Variants in PDXDC1 observed in about 807,000 individuals in gnomAD.
PDXDC1 encodes the protein pyridoxal-dependent decarboxylase domain-containing protein 1.
Under a neutral mutation model 100.1 loss-of-function variants are expected in PDXDC1, and 42 were observed. The ratio of observed to expected loss-of-function variants is 0.42; its 90% CI spans 0.33 to 0.54. The LOEUF (loss-of-function observed/expected upper bound fraction) is 0.54. Ranked by LOEUF, PDXDC1 falls within the 20% of genes least tolerant of loss-of-function variation. PDXDC1 has a pLI of 0.10. For missense variants in PDXDC1, 636 were observed against 979.2 expected (o/e 0.65, Z 4.68); for synonymous variants, 260 against 371.7 (o/e 0.70, Z 3.46).
chr16:15,058,828 TCTCA>T (rs2044616362), intron 16 of PDXDC1, among the ~76,000 whole-genome samples: 1 of 152,030 alleles, frequency 6.6e-6, no homozygotes, highest in South Asian at 2.1e-4. Flanking sequence ...GAGATGGGGG[TCTCA>T]CTATGTTGCC....
At chr16:15,081,986 C>G (rs548101653) in intron 16 of PDXDC1, among the ~76,000 whole-genome samples, 6 of 152,290 alleles carry the variant, frequency 3.9e-5, no homozygotes, top group Admixed American at 3.3e-4. Context: ...ATGCTGAACT[C>G]ATTTATTATC....
chr16:15,017,462 A>T (rs2041877883), intron 11 of PDXDC1, 40 bp downstream of exon 11: 1 of 1,566,362 alleles, frequency 6.4e-7, no homozygotes. Context: ...GGTGTGGCTA[A>T]TACACATTAT....
chr16:14,974,822 C>T (rs1292952902), upstream of PDXDC1: 6 of 1,535,424 alleles, frequency 3.9e-6, no homozygotes, highest in East Asian at 1.2e-4. Context: ...ACTAGTATTT[C>T]CAGCCTTTCA....
chr16:15,058,815 G>A (rs1415828807), intron 16 of PDXDC1, among the ~76,000 whole-genome samples: 1 of 152,148 alleles, frequency 6.6e-6, no homozygotes, highest in Non-Finnish European at 1.5e-5. Context: ...ATTTTTTAAT[G>A]TAGAGATGGG....
chr16:15,059,657 C>G (rs923649302), intron 16 of PDXDC1, among the ~76,000 whole-genome samples: 1 of 152,158 alleles, frequency 6.6e-6, no homozygotes, highest in Non-Finnish European at 1.5e-5. Flanking sequence ...CCTGGAGACT[C>G]CTACAACTGA....
Position 14,995,266 on chromosome 16 carries a change from T to C in PDXDC1, c.22-2487T>C, listed in dbSNP as rs569208664. Among the ~76,000 whole-genome samples, 152 of 152,406 alleles carry C rather than the reference T, an allele frequency of 1.0e-3. 1 individual carries two copies. Among genetic ancestry groups the C allele is most frequent in the Non-Finnish European group, 5.4e-4 (37 of 68,046 alleles). On this transcript the variant is annotated intron_variant, in intron 1 of 22. Transcript: ENST00000396410. Reference sequence around the variant, plus strand: ...CAGTTTTTGCCCATTCAGTATGATATTGGCTGTGGGTTTGTCATAGATAGC... The same window carrying C: ...CAGTTTTTGCCCATTCAGTATGATACTGGCTGTGGGTTTGTCATAGATAGC...
intron 16 of PDXDC1, chr16:15,070,259 A>C: frequency 6.2e-7 from 1 of 1,611,636 alleles, no homozygotes; most frequent in South Asian, 1.1e-5. Flanking sequence ...ACAGTACTAG[A>C]GAAAAGAAAA....
chr16:14,994,709 G>C (rs1366754625), intron 1 of PDXDC1, among the ~76,000 whole-genome samples: 2 of 152,296 alleles, frequency 1.3e-5, no homozygotes, highest in Non-Finnish European at 2.9e-5. Context: ...GGATGGCATT[G>C]AATCTATAAA....
intron 3 of PDXDC1, among the ~76,000 whole-genome samples, 177 bp downstream of exon 3, chr16:14,998,582 G>A (rs559946936): frequency 1.1e-3 from 167 of 152,334 alleles, no homozygotes; most frequent in Non-Finnish European, 1.8e-3. Context: ...CCGAGTAGCT[G>A]GGATTACAGG....
At chr16:14,992,146 C>G (rs577454397) in intron 1 of PDXDC1, among the ~76,000 whole-genome samples, 147 of 152,346 alleles carry the variant, frequency 9.6e-4, no homozygotes, top group African/African-American at 3.4e-3. Context: ...GCAACAACTG[C>G]AAGCATTCTG....
chr16:15,082,613 C>T (rs1220987615), intron 16 of PDXDC1, among the ~76,000 whole-genome samples: 2 of 151,714 alleles, frequency 1.3e-5, no homozygotes, highest in Non-Finnish European at 2.9e-5. Flanking sequence ...GCAGAGGCTG[C>T]AGCGAGCTGA....
At chr16:15,049,750 A>C (rs1165258403) in intron 16 of PDXDC1, among the ~76,000 whole-genome samples, 2 of 152,198 alleles carry the variant, frequency 1.3e-5, no homozygotes, top group Non-Finnish European at 2.9e-5. Context: ...AATGGCAAAA[A>C]GCTGGGAGCA....
intron 1 of PDXDC1, among the ~76,000 whole-genome samples, chr16:14,979,294 C>A (rs1403355513): frequency 3.4e-5 from 5 of 145,142 alleles, no homozygotes; most frequent in African/African-American, 1.2e-4. Flanking sequence ...GCTGGCAATT[C>A]GTGTTTTTTT....
Position 14,984,496 on chromosome 16 carries a change from T to TATATATATA in PDXDC1, c.21+9276_21+9277insATATATATA, listed in dbSNP as rs1491326563. Reference sequence around the variant, plus strand: ...GTATACATATATATATATATATATATTTTTTTTTTTTTTTTTTCTGAGACG... The same window carrying TATATATATA: ...GTATACATATATATATATATATATATATATATATATTTTTTTTTTTTTTTTTCTGAGACG... On this transcript the variant is annotated intron_variant, in intron 1 of 22. Coordinates refer to ENST00000396410, the MANE Select transcript of PDXDC1 (RefSeq NM_015027.4). 2.0e-4 allele frequency among the ~76,000 whole-genome samples: 10 copies of TATATATATA among 51,204 alleles called. No individual in the cohort carries two copies. In the East Asian group the frequency reaches 6.2e-3, roughly 32 times the overall value. 33.6% of individuals were successfully genotyped at this position (51,204 alleles called of 152,430 possible). A position where few individuals can be genotyped will look rare whatever the true frequency, so the allele number is the denominator to read the frequency against.
the PDXDC1 span, among the ~76,000 whole-genome samples, chr16:15,150,386 T>TAAAA: frequency 2.1e-5 from 3 of 145,774 alleles, no homozygotes; most frequent in South Asian, 4.3e-4. Context: ...AATAAATAAA[T>TAAAA]AAAAGACATC....
At chr16:15,071,527 G>C (rs1189299237) in intron 16 of PDXDC1, among the ~76,000 whole-genome samples, 1 of 152,234 alleles carries the variant, frequency 6.6e-6, no homozygotes, top group Non-Finnish European at 1.5e-5. Flanking sequence ...CAGCACTTTG[G>C]GAGGCCGAGG....
At chr16:14,984,476 C>CAT (rs749990542) in intron 1 of PDXDC1, among the ~76,000 whole-genome samples, 1,261 of 92,434 alleles carry the variant, frequency 0.014, 19 homozygotes, top group African/African-American at 0.025. Flanking sequence ...TGTGTGTATA[C>CAT]ATATATATAT....
intron 12 of PDXDC1, among the ~76,000 whole-genome samples, chr16:15,022,282 G>A (rs1457803725): frequency 6.6e-6 from 1 of 152,296 alleles, no homozygotes; most frequent in Non-Finnish European, 1.5e-5. Context: ...CTGGTGACTG[G>A]CAGATGAATT....
At chr16:15,129,885 AG>A in intron 16 of PDXDC1, 1 of 766,404 alleles carries the variant, frequency 1.3e-6, no homozygotes, top group Non-Finnish European at 2.3e-6. Flanking sequence ...CCCTCACCTG[AG>A]CCCCGGCCCC....
Sources: gnomAD v4.1 joint callset for allele counts (sites outside exome capture counted in the v4.1 genomes callset) on GRCh38, gnomAD v4.1.1 for gene constraint, MANE v1.5 for transcripts, NCBI Gene and HGNC (gene_info 2026-07-23, HGNC 2026-07-21) for gene names.